FOLR3: variants seen among roughly 807,000 people sequenced by gnomAD.
FOLR3 encodes folate receptor gamma.
In FOLR3, 9 loss-of-function variants were observed where a neutral mutation model predicts 20.0. The ratio of observed to expected loss-of-function variants is 0.45; its 90% CI spans 0.27 to 0.79. The LOEUF (loss-of-function observed/expected upper bound fraction) is 0.79. FOLR3 is among the 30% of genes least tolerant of loss of function. The pLI, the probability that FOLR3 is intolerant of heterozygous loss-of-function variation, is 0.15. For missense variants in FOLR3, 309 were observed against 323.5 expected, an observed-to-expected ratio of 0.96 and a Z score of 0.34; for synonymous variants, 124 against 115.5, an observed-to-expected ratio of 1.07 and a Z score of -0.47.
At position 72,138,891 on chromosome 11, in the gene FOLR3, C is replaced by T. The variant is rs556610944; in HGVS notation, c.169-70C>T. 9.6e-6 allele frequency: 15 copies of T among 1,569,546 alleles called. No individual in the cohort carries two copies. In the African/African-American group the frequency reaches 1.9e-4, roughly 20 times the overall value. On this transcript the variant is annotated intron_variant, in intron 2 of 4. Coordinates refer to ENST00000611028, the MANE Select transcript of FOLR3 (RefSeq NM_000804.4). ...GTTCCTCTGGATGACCTACCTGGGG[C>T]AGAGGAGCCAGAATATGGAGGAGAT...
At position 72,138,942 on chromosome 11, in the gene FOLR3, C is replaced by T; in HGVS notation, c.169-19C>T. ...GGCTGTGGTGGGGAGAGACTTAGTC[C>T]TGTGTCTTCCCCACCCAGTGCAGTC... is the stretch of plus-strand genomic sequence containing the variant. On this transcript the variant is annotated intron_variant, in intron 2 of 4. Coordinates refer to ENST00000611028, the MANE Select transcript of FOLR3 (RefSeq NM_000804.4). The T allele has an allele frequency of 1.9e-6, 3 of 1,613,474 alleles. No individual in the cohort carries two copies. Among genetic ancestry groups the T allele is most frequent in the Non-Finnish European group, 1.7e-6 (2 of 1,179,684 alleles).
In FOLR3 at chr11:72,138,774, A is replaced by G. The variant is rs1947772363; in HGVS notation, c.169-187A>G. 8 of 678,000 alleles carry G rather than the reference A, an allele frequency of 1.2e-5. No homozygotes were observed. The South Asian group carries it at 1.3e-4, about 11-fold the overall frequency. The allele number at this position is 678,000 out of a possible 1,614,324, so 42.0% of individuals were successfully genotyped here. On this transcript the variant is annotated intron_variant, in intron 2 of 4. Coordinates refer to ENST00000611028, the MANE Select transcript of FOLR3 (RefSeq NM_000804.4). The stretch of plus-strand genomic sequence containing the variant: ...TCAACAGAGCAAGACCCTGTCTCAA[A>G]TAAATAAATGAATAAATAGGGCGGA...
chr11:72,139,000 A>G lies in FOLR3; in HGVS notation c.208A>G (p.Thr70Ala), dbSNP rs368845102. The G allele has an allele frequency of 6.2e-7, 1 of 1,614,016 alleles. No individual in the cohort carries two copies. The highest frequency in any genetic ancestry group is 1.1e-5 in the South Asian group (1 of 91,084). The change falls in exon 3 of 5, where the codon ACC becomes GCC. Residue 70 changes from threonine to alanine, a missense_variant. Physicochemically the swap from Thr to Ala is moderately conservative, Grantham distance 58. Coordinates refer to ENST00000611028, the MANE Select transcript of FOLR3 (RefSeq NM_000804.4). Reference sequence around the variant, plus strand: ...GAAGAATGCCTGCTGCACGGCCAGCACCAGCCAGGAGCTGCACAAGGACAC... The same window carrying G: ...GAAGAATGCCTGCTGCACGGCCAGCGCCAGCCAGGAGCTGCACAAGGACAC... ...WKKNACCTASTSQELHKDTSR... is the reference protein window; with the variant it reads ...WKKNACCTASASQELHKDTSR...
At chr11:72,135,839 AG>A (rs1375712373) in intron 1 of FOLR3, 71 bp downstream of exon 1, 41 of 1,187,410 alleles carry the variant, frequency 3.5e-5, no homozygotes, top group Non-Finnish European at 4.4e-5. Context: ...TAGGGGATGC[AG>A]GGTGGGGACA....
rs2229185 is a variant in FOLR3 at position 72,139,631 on chromosome 11, T to A, written c.538T>A (p.Ser180Thr). ...CGGGGCCCTCTGCAGCACCTTTGAG[T>A]CCTACTTCCCCACTCCAGCCGCCCT... ...PAGALCSTFE[S>T]YFPTPAALCE... The change falls in exon 5 of 5, where the codon TCC (serine) becomes ACC (threonine). Residue 180 changes from serine to threonine, a missense_variant. By Grantham distance (58) the Ser-to-Thr change is moderately conservative. Coordinates refer to ENST00000611028, the MANE Select transcript of FOLR3 (RefSeq NM_000804.4). The A allele has an allele frequency of 6.2e-7, 1 of 1,613,352 alleles. No homozygotes were observed. Among genetic ancestry groups the A allele is most frequent in the African/African-American group, 1.3e-5 (1 of 74,846 alleles).
chr11:72,138,366 CAA>C (rs1187470436), intron 2 of FOLR3, among the ~76,000 whole-genome samples: 2 of 151,674 alleles, frequency 1.3e-5, no homozygotes, highest in Admixed American at 6.6e-5. Flanking sequence ...AACTCTGTCT[CAA>C]AAAAAAGTTA....
At position 72,139,759 on chromosome 11, in the gene FOLR3, T is replaced by C; in HGVS notation, c.666T>C (p.Asn222=). 1.9e-6 allele frequency: 3 copies of C among 1,614,012 alleles called. No homozygotes were observed. Among genetic ancestry groups the C allele is most frequent in the Non-Finnish European group, 1.7e-6 (2 of 1,179,950 alleles). The change falls in exon 5 of 5, where the codon AAT becomes AAC. Residue 222 remains asparagine (N), a synonymous_variant. Transcript: ENST00000611028. ...MWFDSAQGNP[N]EEVAKFYAAA... ...TTGACTCAGCCCAGGGCAACCCCAA[T>C]GAGGAGGTGGCCAAGTTCTATGCTG...
intron 2 of FOLR3, 32 bp from the exon 3 acceptor site, chr11:72,138,929 G>T: frequency 3.1e-6 from 5 of 1,610,706 alleles, no homozygotes; most frequent in Non-Finnish European, 4.2e-6. Flanking sequence ...CTGTGGTGGG[G>T]AGAGACTTAG....
At chr11:72,136,236 G>A (rs997130185) in intron 2 of FOLR3, 116 bp downstream of exon 2, 3 of 1,242,422 alleles carry the variant, frequency 2.4e-6, no homozygotes, top group South Asian at 2.7e-5. Flanking sequence ...GGAAGGGGAG[G>A]GGCGGCCAGG....
intron 2 of FOLR3, among the ~76,000 whole-genome samples, chr11:72,136,520 T>TA (rs34653317): frequency 0.023 from 3,386 of 144,198 alleles, 38 homozygotes; most frequent in Non-Finnish European, 0.027. Flanking sequence ...AAATCGGGGT[T>TA]AAAAAAAAAA....
chr11:72,136,240 G>A (rs866170740), intron 2 of FOLR3, 120 bp downstream of exon 2: 24 of 1,212,208 alleles, frequency 2.0e-5, no homozygotes, highest in South Asian at 2.8e-5. Context: ...GGGGAGGGGC[G>A]GCCAGGGCCA....
intron 3 of FOLR3, 29 bp downstream of exon 3, chr11:72,139,178 C>T (rs371056756): frequency 4.3e-5 from 68 of 1,599,452 alleles, no homozygotes; most frequent in Admixed American, 8.5e-5. Flanking sequence ...CAAACATTAA[C>T]CTCAGCAGAG....
intron 2 of FOLR3, among the ~76,000 whole-genome samples, chr11:72,137,263 A>G (rs934533733): frequency 6.6e-6 from 1 of 151,910 alleles, no homozygotes; most frequent in Non-Finnish European, 1.5e-5. Context: ...TGCTTGTCTT[A>G]CCTGCCTTGT....
At chr11:72,138,901 A>C (rs777817964) in intron 2 of FOLR3, 60 bp from the exon 3 acceptor site, 104 of 1,586,592 alleles carry the variant, frequency 6.6e-5, no homozygotes, top group Non-Finnish European at 7.3e-5. Context: ...CAGAGGAGCC[A>C]GAATATGGAG....
In FOLR3 at chr11:72,138,941, C is replaced by T; in HGVS notation, c.169-20C>T. The stretch of plus-strand genomic sequence containing the variant: ...TGGCTGTGGTGGGGAGAGACTTAGT[C>T]CTGTGTCTTCCCCACCCAGTGCAGT... On this transcript the variant is annotated intron_variant, in intron 2 of 4. Transcript: ENST00000611028. 2 of 1,613,378 alleles carry T rather than the reference C, an allele frequency of 1.2e-6. No homozygotes were observed. Among genetic ancestry groups the T allele is most frequent in the Non-Finnish European group, 1.7e-6 (2 of 1,179,656 alleles).
rs771902115 is a variant in FOLR3 at position 72,139,063 on chromosome 11, A to G, written c.271A>G (p.Lys91Glu). 5.3e-5 allele frequency: 85 copies of G among 1,613,674 alleles called. No individual in the cohort carries two copies. Among genetic ancestry groups the G allele is most frequent in the Non-Finnish European group, 6.9e-5 (81 of 1,179,858 alleles). ...LYNFNWDHCG[K>E]MEPTCKRHFI... ...CAACTTTAACTGGGATCACTGTGGT[A>G]AGATGGAACCCACCTGCAAGCGCCA... Residue 91 changes from lysine to glutamate, a missense_variant, in exon 3 of 5, where the codon AAG (lysine) becomes GAG (glutamate). Transcript: ENST00000611028.
chr11:72,139,633 C>G lies in FOLR3; in HGVS notation c.540C>G (p.Ser180=). The change falls in exon 5 of 5, where the codon TCC becomes TCG. Residue 180 remains serine, a synonymous_variant. Transcript: ENST00000611028. ...PAGALCSTFE[S]YFPTPAALCE... Reference sequence around the variant, plus strand: ...GGGCCCTCTGCAGCACCTTTGAGTCCTACTTCCCCACTCCAGCCGCCCTTT... The same window carrying G: ...GGGCCCTCTGCAGCACCTTTGAGTCGTACTTCCCCACTCCAGCCGCCCTTT... 1 of 1,613,588 alleles carries G rather than the reference C, an allele frequency of 6.2e-7. No homozygotes were observed. Among genetic ancestry groups the G allele is most frequent in the Non-Finnish European group, 8.5e-7 (1 of 1,179,886 alleles).
chr11:72,137,125 G>A (rs375721126), intron 2 of FOLR3, among the ~76,000 whole-genome samples: 22 of 152,234 alleles, frequency 1.4e-4, no homozygotes, highest in African/African-American at 4.6e-4. Flanking sequence ...GGCCTGTCAC[G>A]CCTCTGCCAT....
rs572812503 is a variant in FOLR3 at position 72,135,743 on chromosome 11, G to A, written c.-32G>A. On this transcript the variant is annotated 5_prime_UTR_variant, in exon 1 of 5. Coordinates refer to ENST00000611028, the MANE Select transcript of FOLR3 (RefSeq NM_000804.4). Reference sequence around the variant, plus strand: ...TGGTGTCAGAGCCTGGACCTACAGCGCTGTTGGTGGAGGTCCTGCCTCCAG... The same window carrying A: ...TGGTGTCAGAGCCTGGACCTACAGCACTGTTGGTGGAGGTCCTGCCTCCAG... The A allele has an allele frequency of 6.8e-5, 41 of 601,340 alleles. No homozygotes were observed. The highest frequency in any genetic ancestry group is 2.6e-4 in the African/African-American group (14 of 54,170). The allele number at this position is 601,340 out of a possible 1,614,324, so 37.3% of individuals were successfully genotyped here.
Sources: allele counts gnomAD v4.1 joint callset (sites outside exome capture counted in the v4.1 genomes callset), GRCh38; gene constraint gnomAD v4.1.1; transcripts MANE v1.5; gene names NCBI Gene and HGNC (gene_info 2026-07-23, HGNC 2026-07-21).